SH3RF3: variants seen among roughly 807,000 people sequenced by gnomAD.
SH3RF3 encodes SH3 domain containing ring finger 3.
Under a neutral mutation model 66.3 loss-of-function variants are expected in SH3RF3, and 29 were observed. That is an observed-to-expected ratio of 0.44 (90% CI 0.33 to 0.60). The LOEUF is 0.60. Among genes scored for constraint, SH3RF3 ranks in the 20% least tolerant of loss-of-function variants. The pLI is 0.04. For missense variants in SH3RF3, 1,194 were observed against 1,190.9 expected, an observed-to-expected ratio of 1.00 and a Z score of -0.04; for synonymous variants, 583 against 532.0, an observed-to-expected ratio of 1.10 and a Z score of -1.32.
intron 1 of SH3RF3, among the ~76,000 whole-genome samples, chr2:109,304,307 T>C (rs546764114): frequency 6.6e-6 from 1 of 152,288 alleles, no homozygotes; most frequent in East Asian, 1.9e-4. Flanking sequence ...AGATTGACTT[T>C]TTAGCTCCAA....
intron 5 of SH3RF3, among the ~76,000 whole-genome samples, chr2:109,420,603 G>A (rs893672581): frequency 3.9e-5 from 6 of 152,006 alleles, no homozygotes; most frequent in Middle Eastern, 3.2e-3. Context: ...CAGCCACCAC[G>A]CCTGGCTAAA....
chr2:109,348,600 C>T (rs757384018), intron 2 of SH3RF3, among the ~76,000 whole-genome samples: 12 of 152,160 alleles, frequency 7.9e-5, no homozygotes, highest in Non-Finnish European at 1.3e-4. Flanking sequence ...ACCAAGTGCT[C>T]GGCCAATAAG....
chr2:109,229,188 C>A (rs2105178005), intron 1 of SH3RF3, among the ~76,000 whole-genome samples: 1 of 152,238 alleles, frequency 6.6e-6, no homozygotes, highest in Admixed American at 6.5e-5. Context: ...GGACAAAGAC[C>A]AAATATGTAT....
chr2:109,405,880 C>T (rs537661060), intron 4 of SH3RF3, among the ~76,000 whole-genome samples: 1 of 152,354 alleles, frequency 6.6e-6, no homozygotes, highest in Non-Finnish European at 1.5e-5. Flanking sequence ...CTCTCACACG[C>T]TAGCTTCCTT....
At position 109,490,670 on chromosome 2, in the gene SH3RF3, C is replaced by T; in HGVS notation, c.2214C>T (p.Ser738=). 1 of 1,521,166 alleles carries T rather than the reference C, an allele frequency of 6.6e-7. No homozygotes were observed. The highest frequency in any genetic ancestry group is 2.0e-5 in the Admixed American group (1 of 50,046). 94.2% of individuals were successfully genotyped at this position (1,521,166 alleles called of 1,614,324 possible). A position where few individuals can be genotyped will look rare whatever the true frequency, so the allele number is the denominator to read the frequency against. Residue 738 remains serine (S), a synonymous_variant, in exon 9 of 10, where the codon TCC becomes TCT. Coordinates refer to ENST00000309415, the MANE Select transcript of SH3RF3 (RefSeq NM_001099289.3). ...AGASTKKKSR[S]PPSVSPTHDP... The stretch of plus-strand genomic sequence containing the variant: ...CATCCACCAAGAAGAAGTCACGCTC[C>T]CCGCCATCTGTGTCTCCAACCCACG...
At chr2:109,326,479 G>A (rs748965339) in intron 1 of SH3RF3, among the ~76,000 whole-genome samples, 120 of 152,268 alleles carry the variant, frequency 7.9e-4, no homozygotes, top group Non-Finnish European at 1.1e-3. Flanking sequence ...GGTGAGAGAC[G>A]TTTCCTTCTG....
At chr2:109,294,587 G>A (rs369845635) in intron 1 of SH3RF3, among the ~76,000 whole-genome samples, 5,509 of 112,148 alleles carry the variant, frequency 0.049, 262 homozygotes, top group African/African-American at 0.13. Context: ...TTAAAAAAAA[G>A]GTAAAAAAAA....
intron 1 of SH3RF3, among the ~76,000 whole-genome samples, chr2:109,171,248 T>C (rs774961573): frequency 4.6e-5 from 7 of 152,194 alleles, no homozygotes; most frequent in Non-Finnish European, 1.0e-4. Context: ...TGCTTACATG[T>C]ATTTGGTTGT....
At chr2:109,322,373 A>G (rs1192531421) in intron 1 of SH3RF3, among the ~76,000 whole-genome samples, 3 of 152,228 alleles carry the variant, frequency 2.0e-5, no homozygotes, top group Admixed American at 6.5e-5. Context: ...ATGTTCCCAC[A>G]GGCAGACTAG....
At chr2:109,373,241 G>A (rs111906180) in intron 3 of SH3RF3, among the ~76,000 whole-genome samples, 4,503 of 152,290 alleles carry the variant, frequency 0.03, 229 homozygotes, top group African/African-American at 0.097. Context: ...AACTTAATGC[G>A]CGAATACCAC....
In SH3RF3 at chr2:109,130,049, C is replaced by T; in HGVS notation, c.509C>T (p.Ala170Val). Residue 170 changes from alanine to valine, a missense_variant, in exon 1 of 10, where the codon GCC becomes GTC. Coordinates refer to ENST00000309415, the MANE Select transcript of SH3RF3 (RefSeq NM_001099289.3). ...TPGSPVFLSA[A>V]AGSTAGSLRE... ...GGTTCCCCGGTTTTCCTCTCCGCGG[C>T]CGCGGGCAGCACCGCCGGCAGTCTG... 2 of 1,362,988 alleles carry T rather than the reference C, an allele frequency of 1.5e-6. No individual in the cohort carries two copies. Among genetic ancestry groups the T allele is most frequent in the South Asian group, 1.7e-5 (1 of 57,178 alleles). The allele number at this position is 1,362,988 out of a possible 1,614,324, so 84.4% of individuals were successfully genotyped here. A position where few individuals can be genotyped will look rare whatever the true frequency, so the allele number is the denominator to read the frequency against.
At chr2:109,285,454 G>A (rs548185039) in intron 1 of SH3RF3, among the ~76,000 whole-genome samples, 6 of 152,332 alleles carry the variant, frequency 3.9e-5, no homozygotes, top group South Asian at 2.1e-4. Context: ...CTGCTGTGCC[G>A]TGCGTTTTTG....
chr2:109,422,140 C>T lies in SH3RF3; in HGVS notation c.1403+2498C>T, dbSNP rs546634938. On this transcript the variant is annotated intron_variant, in intron 5 of 9. Coordinates refer to ENST00000309415, the MANE Select transcript of SH3RF3 (RefSeq NM_001099289.3). The stretch of plus-strand genomic sequence containing the variant: ...TTCCCAAAATAGCCTCTGTAAGTCA[C>T]GTTCAGAAGTCTGAAATTGAACATG... 3.9e-5 allele frequency among the ~76,000 whole-genome samples: 6 copies of T among 152,310 alleles called. No homozygotes were observed. The South Asian group carries it at 6.2e-4, about 16-fold the overall frequency.
intron 4 of SH3RF3, among the ~76,000 whole-genome samples, chr2:109,415,163 C>T (rs567963479): frequency 1.3e-5 from 2 of 152,274 alleles, no homozygotes; most frequent in African/African-American, 2.4e-5. Context: ...GAGTCTCCTC[C>T]AGACTCCCAG....
At chr2:109,408,418 C>T (rs1435604350) in intron 4 of SH3RF3, among the ~76,000 whole-genome samples, 1 of 152,210 alleles carries the variant, frequency 6.6e-6, no homozygotes, top group Non-Finnish European at 1.5e-5. Context: ...TCTGCCAGAG[C>T]TCATCTGCCC....
chr2:109,333,391 T>G (rs963604638), intron 1 of SH3RF3, among the ~76,000 whole-genome samples: 2 of 152,262 alleles, frequency 1.3e-5, no homozygotes, highest in Non-Finnish European at 2.9e-5. Context: ...AAAGTGAATC[T>G]GTTGAGATTC....
Position 109,437,150 on chromosome 2 carries a change from C to T in SH3RF3, c.1828+4C>T. ...GCCCGGAGCACCATTTCAACAGGTACCTTCACAGGGGCCTCACCCTGCAGG... is the reference window on the plus strand; with the variant it reads ...GCCCGGAGCACCATTTCAACAGGTATCTTCACAGGGGCCTCACCCTGCAGG... On this transcript the variant is annotated splice_donor_region_variant and intron_variant, in intron 7 of 9. Coordinates refer to ENST00000309415, the MANE Select transcript of SH3RF3 (RefSeq NM_001099289.3). 1 of 1,606,278 alleles carries T rather than the reference C, an allele frequency of 6.2e-7. No individual in the cohort carries two copies. Among genetic ancestry groups the T allele is most frequent in the Non-Finnish European group, 8.5e-7 (1 of 1,174,790 alleles).
chr2:109,306,898 T>C (rs7581461), intron 1 of SH3RF3, among the ~76,000 whole-genome samples: 46,953 of 151,800 alleles, frequency 0.31, 8,900 homozygotes, highest in African/African-American at 0.54. Context: ...CGGTGTACGG[T>C]AGGGCCGCGG....
At chr2:109,221,703 A>AT (rs771395261) in intron 1 of SH3RF3, among the ~76,000 whole-genome samples, 1 of 152,030 alleles carries the variant, frequency 6.6e-6, no homozygotes, top group Non-Finnish European at 1.5e-5. Flanking sequence ...TCCTTCCCCA[A>AT]TTTTTAATGG....
Sources: allele counts gnomAD v4.1 joint callset (sites outside exome capture counted in the v4.1 genomes callset), GRCh38; gene constraint gnomAD v4.1.1; transcripts MANE v1.5; gene names NCBI Gene and HGNC (gene_info 2026-07-23, HGNC 2026-07-21).